NCKAP5: variants seen among roughly 807,000 people sequenced by gnomAD.
NCKAP5 encodes the protein NCK associated protein 5.
A neutral mutation model predicts 167.0 loss-of-function variants in NCKAP5; 92 were observed. The observed-to-expected ratio is 0.55, with a 90% CI of 0.47 to 0.66. The LOEUF (loss-of-function observed/expected upper bound fraction) is 0.66. NCKAP5 is among the 30% of genes least tolerant of loss of function. The pLI, the probability that NCKAP5 is intolerant of heterozygous loss-of-function variation, is 0.00. For synonymous variants in NCKAP5, 891 were observed against 877.4 expected (o/e 1.02, Z -0.27); for missense variants, 2,378 against 2,315.0 (o/e 1.03, Z -0.56).
At chr2:133,088,344 C>T (rs1314297839) in intron 6 of NCKAP5, among the ~76,000 whole-genome samples, 11 of 152,156 alleles carry the variant, frequency 7.2e-5, no homozygotes, top group Non-Finnish European at 7.4e-5. Context: ...CTCCCACTTT[C>T]CAGTCTTACC....
At chr2:133,531,454 A>G (rs1685357645) in intron 2 of NCKAP5, among the ~76,000 whole-genome samples, 2 of 151,956 alleles carry the variant, frequency 1.3e-5, no homozygotes, top group South Asian at 4.2e-4. Context: ...ATAAACTTTA[A>G]ACTTCTGCTT....
intron 2 of NCKAP5, among the ~76,000 whole-genome samples, chr2:133,524,506 A>G (rs899857894): frequency 3.3e-5 from 5 of 152,314 alleles, no homozygotes; most frequent in Admixed American, 2.6e-4. Flanking sequence ...TACGTATATC[A>G]TAAAACCTCA....
At chr2:133,519,189 G>T (rs1897432) in intron 2 of NCKAP5, among the ~76,000 whole-genome samples, 65,527 of 151,922 alleles carry the variant, frequency 0.43, 15,139 homozygotes, top group East Asian at 0.91. Context: ...AAACTGATGG[G>T]CTCATATTCC....
intron 2 of NCKAP5, among the ~76,000 whole-genome samples, chr2:133,558,756 C>A (rs919202908): frequency 8.0e-5 from 8 of 99,898 alleles, no homozygotes; most frequent in Non-Finnish European, 1.4e-4. Flanking sequence ...AATAAAAGCA[C>A]TCATGACCCA....
At chr2:133,255,374 C>G (rs2088563617) in intron 4 of NCKAP5, among the ~76,000 whole-genome samples, 1 of 152,136 alleles carries the variant, frequency 6.6e-6, no homozygotes, top group African/African-American at 2.4e-5. Context: ...TAATACATCA[C>G]TTCTTTATTA....
At chr2:133,090,243 C>T (rs556592360) in intron 6 of NCKAP5, among the ~76,000 whole-genome samples, 1 of 151,574 alleles carries the variant, frequency 6.6e-6, no homozygotes, top group African/African-American at 2.4e-5. Flanking sequence ...AGTCTAACCC[C>T]AGAACTCTTT....
chr2:133,138,178 G>C (rs33999986), intron 5 of NCKAP5, among the ~76,000 whole-genome samples: 27,486 of 151,990 alleles, frequency 0.18, 2,698 homozygotes, highest in Middle Eastern at 0.22. Flanking sequence ...GAAAAAGAAG[G>C]GGGGGTACTA....
intron 3 of NCKAP5, among the ~76,000 whole-genome samples, chr2:133,505,542 T>A (rs1250824322): frequency 6.6e-6 from 1 of 152,190 alleles, no homozygotes; most frequent in Non-Finnish European, 1.5e-5. Flanking sequence ...CTATTTGTGT[T>A]GTGAGTCCTT....
chr2:133,072,491 A>T (rs1453591780), intron 6 of NCKAP5, among the ~76,000 whole-genome samples: 2 of 152,094 alleles, frequency 1.3e-5, no homozygotes, highest in Non-Finnish European at 2.9e-5. Context: ...ACAATTTAAG[A>T]GCACCCACCC....
intron 3 of NCKAP5, among the ~76,000 whole-genome samples, chr2:133,367,571 T>C (rs1685533987): frequency 6.6e-6 from 1 of 152,128 alleles, no homozygotes; most frequent in Non-Finnish European, 1.5e-5. Context: ...ATAGATCACA[T>C]AAGTCTGGAA....
At chr2:133,356,268 T>C (rs1469603687) in intron 3 of NCKAP5, among the ~76,000 whole-genome samples, 1 of 152,162 alleles carries the variant, frequency 6.6e-6, no homozygotes, top group African/African-American at 2.4e-5. Context: ...CTCAGACCTG[T>C]GCCTTGTGTT....
intron 3 of NCKAP5, among the ~76,000 whole-genome samples, chr2:133,337,727 A>G (rs896973819): frequency 2.0e-5 from 3 of 152,200 alleles, no homozygotes; most frequent in African/African-American, 7.2e-5. Flanking sequence ...TCCTGCCTAC[A>G]TGTTGATCTC....
At chr2:133,325,979 A>G (rs1238329751) in intron 3 of NCKAP5, among the ~76,000 whole-genome samples, 1 of 152,214 alleles carries the variant, frequency 6.6e-6, no homozygotes, top group East Asian at 1.9e-4. Context: ...TAAAGCTGAA[A>G]CTACCCAAAT....
At chr2:132,859,904 G>A (rs16842644) in intron 11 of NCKAP5, among the ~76,000 whole-genome samples, 39,815 of 152,074 alleles carry the variant, frequency 0.26, 5,605 homozygotes, top group East Asian at 0.45. Context: ...GCTTCAAATC[G>A]ACTCAAATGG....
chr2:133,627,602 C>T, the NCKAP5 span, among the ~76,000 whole-genome samples: 38 of 152,006 alleles, frequency 2.5e-4, no homozygotes, highest in Admixed American at 5.9e-4. Context: ...GGCGAAACCC[C>T]GTCTCCACAA....
intron 3 of NCKAP5, among the ~76,000 whole-genome samples, chr2:133,470,191 T>C (rs534846354): frequency 6.6e-5 from 10 of 152,310 alleles, no homozygotes; most frequent in Admixed American, 3.3e-4. Context: ...GGGTTTTCGA[T>C]GTGGATGTCC....
At chr2:132,922,472 T>C (rs1212752170) in intron 8 of NCKAP5, among the ~76,000 whole-genome samples, 1 of 152,176 alleles carries the variant, frequency 6.6e-6, no homozygotes, top group Non-Finnish European at 1.5e-5. Flanking sequence ...CCAAAGGTTT[T>C]AGGATGAAGT....
chr2:133,492,698 T>C (rs1303345383), intron 3 of NCKAP5, among the ~76,000 whole-genome samples: 1 of 152,240 alleles, frequency 6.6e-6, no homozygotes, highest in Non-Finnish European at 1.5e-5. Context: ...AGATTGTATA[T>C]GGAAAGAAGA....
At chr2:133,437,615 T>C (rs780015581) in intron 3 of NCKAP5, among the ~76,000 whole-genome samples, 1 of 152,182 alleles carries the variant, frequency 6.6e-6, no homozygotes, top group Non-Finnish European at 1.5e-5. Flanking sequence ...ATCAGGTAGG[T>C]ATAGATGATT....
Sources: gnomAD v4.1 joint callset for allele counts (sites outside exome capture counted in the v4.1 genomes callset) on GRCh38, gnomAD v4.1.1 for gene constraint, MANE v1.5 for transcripts, NCBI Gene and HGNC (gene_info 2026-07-23, HGNC 2026-07-21) for gene names.